ANXA8: variants seen among roughly 807,000 people sequenced by gnomAD.
The protein encoded by ANXA8 is VAC-beta.
Under a neutral mutation model 26.8 loss-of-function variants are expected in ANXA8, and 9 were observed. The observed-to-expected ratio is 0.34, with a 90% CI of 0.20 to 0.59. ANXA8 has a LOEUF of 0.59. Ranked by LOEUF, ANXA8 falls within the 20% of genes least tolerant of loss-of-function variation. The probability of loss-of-function intolerance (pLI) is 0.84; values close to 1 mark genes in which losing one functional copy is unlikely to be tolerated. For synonymous variants in ANXA8, 39 were observed against 94.8 expected (o/e 0.41, Z 3.42); for missense variants, 83 against 238.5 (o/e 0.35, Z 4.29).
chr10:47,693,536 C>G, the ANXA8 span, among the ~76,000 whole-genome samples: 1 of 151,654 alleles, frequency 6.6e-6, no homozygotes, highest in Non-Finnish European at 1.5e-5. Context: ...GTGATCCGCC[C>G]GCCTCGGCCT....
the ANXA8 span, among the ~76,000 whole-genome samples, chr10:47,707,310 T>C: frequency 7.0e-6 from 1 of 143,502 alleles, no homozygotes. Context: ...AAAGGACTTC[T>C]GGGAAATAAT....
At chr10:47,655,796 A>G in the ANXA8 span, among the ~76,000 whole-genome samples, 3 of 152,016 alleles carry the variant, frequency 2.0e-5, no homozygotes, top group South Asian at 6.2e-4. Context: ...CGAGGTGGGC[A>G]GATCACCTGA....
At chr10:47,744,534 CT>C in the ANXA8 span, among the ~76,000 whole-genome samples, 15 of 150,908 alleles carry the variant, frequency 9.9e-5, no homozygotes, top group Admixed American at 8.6e-4. Flanking sequence ...AGTCACTCCA[CT>C]TTGAGAAACA....
the ANXA8 span, among the ~76,000 whole-genome samples, chr10:47,909,798 T>G: frequency 6.8e-6 from 1 of 146,434 alleles, no homozygotes; most frequent in Admixed American, 6.9e-5. Context: ...ACTAAGATTC[T>G]GTGGCTCTTT....
the ANXA8 span, among the ~76,000 whole-genome samples, chr10:47,575,140 G>A: frequency 7.5e-6 from 1 of 133,642 alleles, no homozygotes; most frequent in Non-Finnish European, 1.5e-5. Flanking sequence ...AGAGGCAGAG[G>A]TTGCATTGAG....
the ANXA8 span, among the ~76,000 whole-genome samples, chr10:47,577,632 C>T: frequency 1.6e-5 from 2 of 127,342 alleles, no homozygotes; most frequent in Admixed American, 1.6e-4. Flanking sequence ...TATGATCATA[C>T]CACTGCACTC....
chr10:47,937,114 C>G, the ANXA8 span, among the ~76,000 whole-genome samples: 1 of 149,894 alleles, frequency 6.7e-6, no homozygotes, highest in South Asian at 2.1e-4. Flanking sequence ...CCTCTCGCCG[C>G]CCAGATCACC....
chr10:47,485,050 T>G (rs1179169997), upstream of ANXA8, among the ~76,000 whole-genome samples: 1 of 150,112 alleles, frequency 6.7e-6, no homozygotes, highest in South Asian at 2.1e-4. Flanking sequence ...TATGCAATAT[T>G]TGTTAACCAT....
At chr10:47,496,825 A>T in the ANXA8 span, among the ~76,000 whole-genome samples, 1 of 148,298 alleles carries the variant, frequency 6.7e-6, no homozygotes, top group Non-Finnish European at 1.5e-5. Flanking sequence ...CACAAAAATG[A>T]TGTGGAATCC....
chr10:47,709,727 A>T, the ANXA8 span, among the ~76,000 whole-genome samples: 174 of 111,050 alleles, frequency 1.6e-3, 3 homozygotes, highest in Non-Finnish European at 2.4e-3. Flanking sequence ...ATTGGTGAGG[A>T]CGGAGGCCTC....
the ANXA8 span, among the ~76,000 whole-genome samples, chr10:47,945,247 G>A: frequency 6.7e-6 from 1 of 149,894 alleles, no homozygotes; most frequent in South Asian, 2.1e-4. Flanking sequence ...TCAGAACAGG[G>A]CCTGGGCATT....
the ANXA8 span, among the ~76,000 whole-genome samples, chr10:47,711,323 T>G: frequency 4.0e-5 from 6 of 150,346 alleles, 1 homozygote; most frequent in Non-Finnish European, 5.9e-5. Flanking sequence ...GTCTTCCCTT[T>G]GCTCTTGTGA....
At chr10:47,485,578 A>C (rs1247054860), upstream of ANXA8, among the ~76,000 whole-genome samples, 1 of 152,036 alleles carries the variant, frequency 6.6e-6, no homozygotes, top group Non-Finnish European at 1.5e-5. Context: ...TTTTTAAGCA[A>C]AACACCTTTT....
the ANXA8 span, among the ~76,000 whole-genome samples, chr10:47,672,710 AGTGTAATAC>A: frequency 8.6e-5 from 13 of 151,894 alleles, no homozygotes. Flanking sequence ...ATCTTTAGAT[AGTGTAATAC>A]GGGAAACTGC....
At chr10:47,587,264 T>C in the ANXA8 span, among the ~76,000 whole-genome samples, 1 of 149,102 alleles carries the variant, frequency 6.7e-6, no homozygotes, top group East Asian at 1.9e-4. Flanking sequence ...AGTTATTCCA[T>C]TGTGTGTTTC....
the ANXA8 span, among the ~76,000 whole-genome samples, chr10:47,587,417 T>C: frequency 7.5e-5 from 11 of 147,580 alleles, no homozygotes; most frequent in Non-Finnish European, 1.6e-4. Flanking sequence ...ATCATCATCA[T>C]GGTCATTATC....
the ANXA8 span, among the ~76,000 whole-genome samples, chr10:47,958,942 G>A: frequency 4.7e-5 from 7 of 150,288 alleles, no homozygotes; most frequent in African/African-American, 1.5e-4. Flanking sequence ...TATGGGGATC[G>A]TAATTCAAGA....
the ANXA8 span, among the ~76,000 whole-genome samples, chr10:47,667,131 T>G: frequency 2.0e-5 from 3 of 152,092 alleles, no homozygotes; most frequent in African/African-American, 7.3e-5. Flanking sequence ...CTTGGAATTC[T>G]CTTTTCTTTT....
the ANXA8 span, among the ~76,000 whole-genome samples, chr10:47,684,542 C>A: frequency 6.6e-6 from 1 of 152,016 alleles, no homozygotes; most frequent in Non-Finnish European, 1.5e-5. Context: ...GCTTTAAATG[C>A]AACCCAACAT....
Sources: gnomAD v4.1 joint callset for allele counts (sites outside exome capture counted in the v4.1 genomes callset) on GRCh38, gnomAD v4.1.1 for gene constraint, MANE v1.5 for transcripts, NCBI Gene and HGNC (gene_info 2026-07-23, HGNC 2026-07-21) for gene names.